Variants in P2RY8 observed in about 807,000 individuals in gnomAD.
The protein encoded by P2RY8 is S-geranylgeranyl-glutathione receptor P2RY8.
Under a neutral mutation model 10.0 loss-of-function variants are expected in P2RY8, and 6 were observed. That is an observed-to-expected ratio of 0.60 (90% CI 0.33 to 1.19). The LOEUF (loss-of-function observed/expected upper bound fraction) is 1.19, where lower values mean the gene tolerates loss of function less well. Ranked by LOEUF, P2RY8 falls within the 50% of genes most tolerant of loss-of-function variation. The pLI, the probability that P2RY8 is intolerant of heterozygous loss-of-function variation, is 0.04. For synonymous variants in P2RY8, 276 were observed against 252.5 expected (o/e 1.09, Z -0.88); for missense variants, 456 against 542.0 (o/e 0.84, Z 1.58).
Position 1,464,017 on chromosome X carries a change from G to C in P2RY8, c.*1462C>G. The C allele has an allele frequency of 4.3e-6, 1 of 233,326 alleles. No individual in the cohort carries two copies. Among genetic ancestry groups the C allele is most frequent in the Non-Finnish European group, 8.5e-6 (1 of 118,068 alleles). 14.5% of individuals were successfully genotyped at this position (233,326 alleles called of 1,614,324 possible). A position where few individuals can be genotyped will look rare whatever the true frequency, so the allele number is the denominator to read the frequency against. ...AAACCATCTCTGTTTTCCTGCCATA[G>C]TGATGACGGCAGGAGAGAGGCACCA... On this transcript the variant is annotated 3_prime_UTR_variant, in exon 2 of 2. Transcript: ENST00000381297.
intron 1 of P2RY8, among the ~76,000 whole-genome samples, chrX:1,497,612 C>T (rs2092130419): frequency 6.6e-6 from 1 of 150,872 alleles, no homozygotes. Context: ...GAGCCGAGAC[C>T]GTGCCACGGC....
intron 1 of P2RY8, among the ~76,000 whole-genome samples, chrX:1,482,652 ATAAGGTG>A (rs2091947999): frequency 6.6e-6 from 1 of 152,132 alleles, no homozygotes; most frequent in Admixed American, 6.6e-5. Context: ...TAATTTTAGT[ATAAGGTG>A]TAAGGAAGGG....
chrX:1,531,994 G>A (rs2092478984), intron 1 of P2RY8, among the ~76,000 whole-genome samples: 1 of 152,154 alleles, frequency 6.6e-6, no homozygotes, highest in East Asian at 1.9e-4. Flanking sequence ...ATAGAAGACA[G>A]TGTGGAGAGT....
chrX:1,502,132 A>AACTCCTG (rs1418988982), intron 1 of P2RY8, among the ~76,000 whole-genome samples: 1 of 150,212 alleles, frequency 6.7e-6, no homozygotes, highest in Non-Finnish European at 1.5e-5. Flanking sequence ...GCTGGTCTTG[A>AACTCCTG]ACTCCTGACC....
At position 1,465,895 on chromosome X, in the gene P2RY8, G is replaced by T. The variant is rs773394252; in HGVS notation, c.664C>A (p.Arg222Ser). The change falls in exon 2 of 2, where the codon CGC becomes AGC. Residue 222 changes from arginine to serine, a missense_variant. Arg to Ser is a moderately radical substitution (Grantham distance 110). Transcript: ENST00000381297. ...TCCCGGCCGTGCGCCTCCTCCGTGCGCAACAGCTTGAGGATGGTGGCCGTG... is the reference window on the plus strand; with the variant it reads ...TCCCGGCCGTGCGCCTCCTCCGTGCTCAACAGCTTGAGGATGGTGGCCGTG... The part of the protein sequence containing the change: ...CYTATILKLL[R>S]TEEAHGREQR... 9.9e-6 allele frequency: 16 copies of T among 1,612,310 alleles called. No homozygotes were observed. Among genetic ancestry groups the T allele is most frequent in the African/African-American group, 9.3e-5 (7 of 74,906 alleles).
chrX:1,503,735 A>G (rs187927682), intron 1 of P2RY8, among the ~76,000 whole-genome samples: 1 of 152,106 alleles, frequency 6.6e-6, no homozygotes, highest in Non-Finnish European at 1.5e-5. Context: ...TCTCTGCTAA[A>G]AATACAAAAA....
intron 1 of P2RY8, among the ~76,000 whole-genome samples, chrX:1,528,723 T>C (rs2092454836): frequency 6.6e-6 from 1 of 152,138 alleles, no homozygotes; most frequent in Non-Finnish European, 1.5e-5. Flanking sequence ...GATTTGAGTC[T>C]CTTTGAATTC....
intron 1 of P2RY8, among the ~76,000 whole-genome samples, chrX:1,488,187 GC>G (rs1569537138): frequency 6.6e-6 from 1 of 152,058 alleles, no homozygotes. Flanking sequence ...GCCCCCAGGA[GC>G]CCCTCAGCCT....
At position 1,466,343 on chromosome X, in the gene P2RY8, C is replaced by T. The variant is rs2091675917; in HGVS notation, c.216G>A (p.Leu72=). Residue 72 remains leucine (L), a synonymous_variant, in exon 2 of 2, where the codon CTG becomes CTA. Coordinates refer to ENST00000381297, the MANE Select transcript of P2RY8 (RefSeq NM_178129.5). ...MINLSVTDLM[L]ASVLPFQIYY... Reference sequence around the variant, plus strand: ...AGATTTGGAAAGGCAACACGCTGGCCAGCATCAGGTCCGTGACGCTCAGGT... The same window carrying T: ...AGATTTGGAAAGGCAACACGCTGGCTAGCATCAGGTCCGTGACGCTCAGGT... 2 of 1,613,832 alleles carry T rather than the reference C, an allele frequency of 1.2e-6. No homozygotes were observed. Among genetic ancestry groups the T allele is most frequent in the Non-Finnish European group, 1.7e-6 (2 of 1,179,856 alleles).
chrX:1,534,128 ATT>A (rs1414817975), intron 1 of P2RY8, among the ~76,000 whole-genome samples: 3 of 130,170 alleles, frequency 2.3e-5, no homozygotes, highest in Admixed American at 8.4e-5. Context: ...TATATTATAT[ATT>A]TATATATATT....
intron 1 of P2RY8, among the ~76,000 whole-genome samples, chrX:1,474,967 T>C (rs748782066): frequency 6.8e-6 from 1 of 146,346 alleles, no homozygotes; most frequent in African/African-American, 2.6e-5. Flanking sequence ...GGTGGATGGA[T>C]GGGTGGACAG....
At chrX:1,526,906 T>C (rs1486294872) in intron 1 of P2RY8, among the ~76,000 whole-genome samples, 4 of 152,190 alleles carry the variant, frequency 2.6e-5, no homozygotes, top group Non-Finnish European at 5.9e-5. Flanking sequence ...TTTTCTTTTC[T>C]TTTTGAGACC....
intron 1 of P2RY8, among the ~76,000 whole-genome samples, chrX:1,520,506 C>G (rs758467226): frequency 6.6e-6 from 1 of 151,478 alleles, no homozygotes; most frequent in Non-Finnish European, 1.5e-5. Flanking sequence ...CCAATATTCT[C>G]TCTGGTCCCC....
At chrX:1,529,983 G>GC (rs2092461620) in intron 1 of P2RY8, among the ~76,000 whole-genome samples, 1 of 151,844 alleles carries the variant, frequency 6.6e-6, no homozygotes, top group Non-Finnish European at 1.5e-5. Context: ...GCACAGGATG[G>GC]CCCCACCACA....
chrX:1,535,319 C>T (rs1289250587), intron 1 of P2RY8, among the ~76,000 whole-genome samples: 1 of 149,112 alleles, frequency 6.7e-6, no homozygotes, highest in Admixed American at 6.9e-5. Flanking sequence ...TGCCGAGTAA[C>T]TGGGATGACA....
intron 1 of P2RY8, among the ~76,000 whole-genome samples, chrX:1,513,421 G>A (rs1217820922): frequency 1.3e-5 from 2 of 152,156 alleles, no homozygotes; most frequent in African/African-American, 4.8e-5. Flanking sequence ...AGGCTCTAGG[G>A]GAGGATCCCT....
intron 1 of P2RY8, among the ~76,000 whole-genome samples, chrX:1,477,639 C>T (rs1205756530): frequency 1.3e-5 from 2 of 152,158 alleles, no homozygotes; most frequent in South Asian, 2.1e-4. Flanking sequence ...TGGGAAGATG[C>T]GTCTGGCATC....
In P2RY8 at chrX:1,469,226, T is replaced by C. The variant is rs1355780942; in HGVS notation, c.-24-2644A>G. On this transcript the variant is annotated intron_variant, in intron 1 of 1. Coordinates refer to ENST00000381297, the MANE Select transcript of P2RY8 (RefSeq NM_178129.5). ...TCATCCAGGCTGGAATGCAATGGCG[T>C]GATCTCGGCTCACTGCAACCTCTGT... 8.8e-5 allele frequency among the ~76,000 whole-genome samples: 13 copies of C among 147,186 alleles called. No homozygotes were observed. The East Asian group carries it at 2.7e-3, about 30-fold the overall frequency.
chrX:1,528,824 CTT>C (rs1348694508), intron 1 of P2RY8, among the ~76,000 whole-genome samples: 1 of 151,948 alleles, frequency 6.6e-6, no homozygotes, highest in African/African-American at 2.4e-5. Flanking sequence ...GTTTGAGTCT[CTT>C]TGAATGAGTG....
Sources: gnomAD v4.1 joint callset for allele counts (sites outside exome capture counted in the v4.1 genomes callset) on GRCh38, gnomAD v4.1.1 for gene constraint, MANE v1.5 for transcripts, NCBI Gene and HGNC (gene_info 2026-07-23, HGNC 2026-07-21) for gene names.